The following UCHL3 variants were observed in gnomAD, a reference collection of about 807,000 sequenced individuals.
The protein encoded by UCHL3 is ubiquitin carboxyl-terminal hydrolase isozyme L3.
A neutral mutation model predicts 35.8 loss-of-function variants in UCHL3; 22 were observed. That is an observed-to-expected ratio of 0.61 (90% CI 0.44 to 0.88). The LOEUF is 0.88. UCHL3 is among the 40% of genes least tolerant of loss of function. The pLI, the probability that UCHL3 is intolerant of heterozygous loss-of-function variation, is 0.00. For missense variants in UCHL3, 229 were observed against 276.9 expected (o/e 0.83, Z 1.23); for synonymous variants, 90 against 92.8 (o/e 0.97, Z 0.17).
At position 75,605,950 on chromosome 13, in the gene UCHL3, GT is replaced by G; in HGVS notation, c.*142del. 1.4e-6 allele frequency: 1 copy of G among 738,004 alleles called. No homozygotes were observed. The highest frequency in any genetic ancestry group is 2.2e-6 in the Non-Finnish European group (1 of 462,662). 45.7% of individuals were successfully genotyped at this position (738,004 alleles called of 1,614,324 possible). A position where few individuals can be genotyped will look rare whatever the true frequency, so the allele number is the denominator to read the frequency against. On this transcript the variant is annotated 3_prime_UTR_variant, in exon 9 of 9. Coordinates refer to ENST00000377595, the MANE Select transcript of UCHL3 (RefSeq NM_006002.5). ...TGAGTTAAACTTTGCCTTAACCTGT[GT>G]TTTATGTTATTTTTGCTCCAGGTTA...
intron 6 of UCHL3, among the ~76,000 whole-genome samples, chr13:75,571,039 G>A (rs1370742474): frequency 2.0e-5 from 3 of 152,076 alleles, no homozygotes; most frequent in African/African-American, 7.2e-5. Context: ...ACACCAGATT[G>A]GAAATTAATG....
intron 6 of UCHL3, among the ~76,000 whole-genome samples, chr13:75,576,478 C>T (rs1045929263): frequency 6.8e-5 from 10 of 146,750 alleles, no homozygotes; most frequent in African/African-American, 2.0e-4. Context: ...CCTCAGCCTC[C>T]CAAGTAGCTG....
At chr13:75,604,080 AGGGGC>A (rs2032859879) in intron 7 of UCHL3, among the ~76,000 whole-genome samples, 1 of 152,106 alleles carries the variant, frequency 6.6e-6, no homozygotes, top group African/African-American at 2.4e-5. Flanking sequence ...GAATCGTAGA[AGGGGC>A]TGTGTTTTAT....
At chr13:75,555,195 G>C (rs1457286979) in intron 2 of UCHL3, among the ~76,000 whole-genome samples, 1 of 152,152 alleles carries the variant, frequency 6.6e-6, no homozygotes, top group Non-Finnish European at 1.5e-5. Context: ...ACTCCTGTTT[G>C]TTTCATGGTA....
Position 75,550,126 on chromosome 13 carries a change from G to C in UCHL3, c.54+139G>C. On this transcript the variant is annotated intron_variant, in intron 2 of 8. Transcript: ENST00000377595. ...GGGCCCCTCTTGTTCGGCTTTACGC[G>C]GGTCCGCCCCTTTCAGAAAGGGCCA... 4 of 1,370,238 alleles carry C rather than the reference G, an allele frequency of 2.9e-6. 1 individual carries two copies. In the South Asian group the frequency reaches 4.7e-5, roughly 16 times the overall value. 84.9% of individuals were successfully genotyped at this position (1,370,238 alleles called of 1,614,324 possible). A position where few individuals can be genotyped will look rare whatever the true frequency, so the allele number is the denominator to read the frequency against.
At chr13:75,598,063 C>G (rs924440905) in intron 7 of UCHL3, among the ~76,000 whole-genome samples, 2 of 152,118 alleles carry the variant, frequency 1.3e-5, no homozygotes, top group African/African-American at 4.8e-5. Flanking sequence ...ACTGATTGAA[C>G]AATCAGATTA....
chr13:75,550,300 T>G (rs182533712), intron 2 of UCHL3, among the ~76,000 whole-genome samples: 52 of 152,326 alleles, frequency 3.4e-4, no homozygotes, highest in Non-Finnish European at 6.3e-4. Flanking sequence ...TTTTGCCTCC[T>G]GTTAGTGCCG....
chr13:75,597,418 C>A (rs1405300372), intron 7 of UCHL3, among the ~76,000 whole-genome samples: 1 of 151,912 alleles, frequency 6.6e-6, no homozygotes, highest in African/African-American at 2.4e-5. Flanking sequence ...AGAAAGAAGT[C>A]ATTTCAAAGT....
At chr13:75,604,183 A>G (rs542408036) in intron 7 of UCHL3, among the ~76,000 whole-genome samples, 1 of 152,306 alleles carries the variant, frequency 6.6e-6, no homozygotes, top group Non-Finnish European at 1.5e-5. Context: ...GGTTAGCATG[A>G]GTTTAAATAA....
At chr13:75,569,417 G>A (rs949579994) in intron 5 of UCHL3, 43 bp from the exon 6 acceptor site, 4 of 1,513,758 alleles carry the variant, frequency 2.6e-6, no homozygotes, top group Non-Finnish European at 3.6e-6. Context: ...AAAAAGTTGA[G>A]TATAGGCATT....
chr13:75,560,121 A>G (rs1174128356), intron 2 of UCHL3, among the ~76,000 whole-genome samples: 1 of 152,206 alleles, frequency 6.6e-6, no homozygotes, highest in Non-Finnish European at 1.5e-5. Context: ...CATACAATGC[A>G]TTAGATACAT....
chr13:75,568,541 C>A (rs2031758675), intron 5 of UCHL3, among the ~76,000 whole-genome samples: 1 of 151,464 alleles, frequency 6.6e-6, no homozygotes, highest in African/African-American at 2.4e-5. Context: ...TTATAACTTG[C>A]TTTTTTCACT....
intron 6 of UCHL3, among the ~76,000 whole-genome samples, chr13:75,591,485 C>G (rs1240606206): frequency 6.6e-6 from 1 of 152,152 alleles, no homozygotes; most frequent in African/African-American, 2.4e-5. Flanking sequence ...TGATCCAATT[C>G]TAATGTGAAT....
chr13:75,605,913 T>C lies in UCHL3; in HGVS notation c.*101T>C. 1 of 1,165,986 alleles carries C rather than the reference T, an allele frequency of 8.6e-7. No homozygotes were observed. The highest frequency in any genetic ancestry group is 1.2e-6 in the Non-Finnish European group (1 of 801,056). 72.2% of individuals were successfully genotyped at this position (1,165,986 alleles called of 1,614,324 possible). ...TTTGATATTTTCATTAACTTGATGA[T>C]TAAACTTTATGTGAGTTAAACTTTG... On this transcript the variant is annotated 3_prime_UTR_variant, in exon 9 of 9. Transcript: ENST00000377595.
At chr13:75,590,361 C>G (rs979953456) in intron 6 of UCHL3, among the ~76,000 whole-genome samples, 4 of 152,092 alleles carry the variant, frequency 2.6e-5, no homozygotes, top group Non-Finnish European at 5.9e-5. Context: ...CATAACGGCA[C>G]CTGCCTTTTG....
At chr13:75,594,818 T>G in intron 6 of UCHL3, 97 bp from the exon 7 acceptor site, 2 of 876,510 alleles carry the variant, frequency 2.3e-6, no homozygotes. Context: ...AAATGTTCTC[T>G]TATATAATTT....
intron 6 of UCHL3, among the ~76,000 whole-genome samples, chr13:75,585,204 C>CAA (rs896995408): frequency 7.9e-5 from 12 of 151,798 alleles, no homozygotes; most frequent in Non-Finnish European, 1.2e-4. Flanking sequence ...CCTTATCCTC[C>CAA]AAAAAACAAA....
At chr13:75,585,304 G>A (rs2032293420) in intron 6 of UCHL3, among the ~76,000 whole-genome samples, 1 of 152,056 alleles carries the variant, frequency 6.6e-6, no homozygotes, top group South Asian at 2.1e-4. Context: ...AATGTTCAAG[G>A]CAGCCACATG....
intron 6 of UCHL3, among the ~76,000 whole-genome samples, chr13:75,582,354 T>G (rs1392641718): frequency 6.6e-6 from 1 of 152,216 alleles, no homozygotes; most frequent in Non-Finnish European, 1.5e-5. Context: ...TAGTCTAGGT[T>G]TTTTTGAACT....
Sources: gnomAD v4.1 joint callset for allele counts (sites outside exome capture counted in the v4.1 genomes callset) on GRCh38, gnomAD v4.1.1 for gene constraint, MANE v1.5 for transcripts, NCBI Gene and HGNC (gene_info 2026-07-23, HGNC 2026-07-21) for gene names.